The following ZSCAN30 variants were observed in gnomAD, a reference collection of about 807,000 sequenced individuals.
ZSCAN30 encodes the protein zinc finger and SCAN domain-containing protein 30.
Under a neutral mutation model 44.3 loss-of-function variants are expected in ZSCAN30, and 37 were observed. The observed-to-expected ratio is 0.84, with a 90% CI of 0.64 to 1.10. The LOEUF is 1.10. Ranked by LOEUF, ZSCAN30 falls within the 50% of genes least tolerant of loss-of-function variation. The pLI, the probability that ZSCAN30 is intolerant of heterozygous loss-of-function variation, is 0.00. For missense variants in ZSCAN30, 549 were observed against 582.6 expected (o/e 0.94, Z 0.59); for synonymous variants, 181 against 204.6 (o/e 0.88, Z 0.98).
At chr18:35,264,566 C>G (rs1331830865) in intron 1 of ZSCAN30, 111 bp from the exon 2 acceptor site, 1 of 527,676 alleles carries the variant, frequency 1.9e-6, no homozygotes, top group African/African-American at 1.9e-5. Flanking sequence ...AGAAAACTGA[C>G]TAACAGGGCA....
rs1409134341 is a variant in ZSCAN30, at chr18:35,254,313, C to T, written c.622G>A (p.Ala208Thr). ...GGAAGTTTTCCCGGCGATATCATAG[C>T]TGCTGAGGCTACACATTCAACAATT... The part of the protein sequence containing the change: ...QEIVECVASA[A>T]MISPGKLPGE... The change falls in exon 4 of 4, where the codon GCT (alanine) becomes ACT (threonine). Residue 208 changes from alanine to threonine, a missense_variant. Physicochemically the swap from Ala to Thr is moderately conservative, Grantham distance 58 (BLOSUM62 0). Coordinates refer to ENST00000333206, the MANE Select transcript of ZSCAN30 (RefSeq NM_001112734.4). The T allele has an allele frequency of 1.9e-6, 3 of 1,614,112 alleles. No individual in the cohort carries two copies. Among genetic ancestry groups the T allele is most frequent in the Admixed American group, 1.7e-5 (1 of 60,012 alleles).
chr18:35,260,985 G>T (rs1033683623), intron 3 of ZSCAN30: 3 of 152,096 alleles, frequency 2.0e-5, no homozygotes, highest in African/African-American at 7.2e-5. Flanking sequence ...ATAGTTTTGG[G>T]TTTTACATTT....
At chr18:35,269,837 G>C (rs2044234611) in intron 1 of ZSCAN30, 1 of 144,512 alleles carries the variant, frequency 6.9e-6, no homozygotes, top group Non-Finnish European at 1.5e-5. Context: ...AAAATAATGA[G>C]TGGCCAAAAA....
intron 1 of ZSCAN30, chr18:35,269,489 C>T (rs1047064094): frequency 2.6e-4 from 38 of 146,870 alleles, no homozygotes; most frequent in Admixed American, 2.6e-3. Context: ...AAAAAGCTTG[C>T]AATAGAAAGA....
intron 1 of ZSCAN30, among the ~76,000 whole-genome samples, chr18:35,271,093 G>C (rs908052241): frequency 1.3e-5 from 2 of 152,164 alleles, no homozygotes; most frequent in African/African-American, 4.8e-5. Context: ...AGGCAGTGCA[G>C]ACCCAAAGAG....
chr18:35,258,284 A>C, intron 3 of ZSCAN30: 1 of 374,198 alleles, frequency 2.7e-6, no homozygotes, highest in South Asian at 3.1e-5. Flanking sequence ...AATTTTGCTA[A>C]GTCCAAGGAC....
At position 35,264,393 on chromosome 18, in the gene ZSCAN30, A is replaced by T. The variant is rs780021437; in HGVS notation, c.-41T>A. The T allele has an allele frequency of 1.3e-6, 2 of 1,578,966 alleles. No individual in the cohort carries two copies. Among genetic ancestry groups the T allele is most frequent in the African/African-American group, 2.7e-5 (2 of 73,734 alleles). On this transcript the variant is annotated 5_prime_UTR_variant, in exon 2 of 4. Transcript: ENST00000333206. ...TCTGAAAAGGCTGCCCAGGTGAGGC[A>T]GGGAGGAGATGGAGATTTGCGTCTG... is the stretch of plus-strand genomic sequence containing the variant.
At position 35,278,779 on chromosome 18, in the gene ZSCAN30, G is replaced by A. The variant is rs1222920394; in HGVS notation, c.-104+11305C>T. Among the ~76,000 whole-genome samples, 5 of 152,158 alleles carry A rather than the reference G, an allele frequency of 3.3e-5. No individual in the cohort carries two copies. In the East Asian group the frequency reaches 9.6e-4, roughly 29 times the overall value. On this transcript the variant is annotated intron_variant, in intron 1 of 3. Transcript: ENST00000333206. Reference sequence around the variant, plus strand: ...GAAATATCCTCAGCTAAATACTCAGGTTCATTAGTTACAAGTTCTACTTTC... The same window carrying A: ...GAAATATCCTCAGCTAAATACTCAGATTCATTAGTTACAAGTTCTACTTTC...
At chr18:35,267,775 AT>A (rs1306480672) in intron 1 of ZSCAN30, 1 of 151,692 alleles carries the variant, frequency 6.6e-6, no homozygotes, top group Non-Finnish European at 1.5e-5. Context: ...ATTCAAACAT[AT>A]TTTTCCTCGT....
chr18:35,256,704 G>A (rs962189069), intron 3 of ZSCAN30, among the ~76,000 whole-genome samples: 1 of 152,162 alleles, frequency 6.6e-6, no homozygotes, highest in Non-Finnish European at 1.5e-5. Context: ...ATTTATAAGA[G>A]GCTCTTTGGA....
Position 35,280,215 on chromosome 18 carries a change from G to GCAGTGAGCCT in ZSCAN30, c.-104+9868_-104+9869insAGGCTCACTG, listed in dbSNP as rs565868996. ...CACTTAAGCCCAGGAGGTTGAGGCT[G>GCAGTGAGCCT]CAGTGAGCTGTGATCACACCACTGC... is the stretch of plus-strand genomic sequence containing the variant. On this transcript the variant is annotated intron_variant, in intron 1 of 3. Transcript: ENST00000333206. Among the ~76,000 whole-genome samples, 8 of 151,550 alleles carry GCAGTGAGCCT rather than the reference G, an allele frequency of 5.3e-5. No individual in the cohort carries two copies. In the South Asian group the frequency reaches 1.7e-3, roughly 32 times the overall value.
chr18:35,277,414 GTCCCATAA>G (rs1453107284), intron 1 of ZSCAN30, among the ~76,000 whole-genome samples: 1 of 152,104 alleles, frequency 6.6e-6, no homozygotes, highest in African/African-American at 2.4e-5. Context: ...TGAATTGTAG[GTCCCATAA>G]TCCCCATGTG....
intron 1 of ZSCAN30, among the ~76,000 whole-genome samples, chr18:35,274,871 A>T (rs780164885): frequency 2.2e-4 from 33 of 152,222 alleles, no homozygotes; most frequent in Admixed American, 1.4e-3. Context: ...GAGTTCTGTG[A>T]CTTTAATTTT....
chr18:35,257,857 G>A, intron 3 of ZSCAN30: 1 of 780,778 alleles, frequency 1.3e-6, no homozygotes, highest in South Asian at 1.3e-5. Context: ...ACCAAGCCTA[G>A]ACTGTAACTG....
chr18:35,261,593 G>A (rs1029340868), intron 3 of ZSCAN30: 5 of 151,940 alleles, frequency 3.3e-5, no homozygotes, highest in Non-Finnish European at 7.4e-5. Context: ...GTATTCCTAG[G>A]TATTTTATTC....
intron 1 of ZSCAN30, among the ~76,000 whole-genome samples, chr18:35,279,862 C>A (rs143999299): frequency 7.6e-4 from 116 of 152,302 alleles, no homozygotes; most frequent in Admixed American, 6.5e-4. Context: ...TCAGCCTACA[C>A]AGACCCTATT....
intron 1 of ZSCAN30, among the ~76,000 whole-genome samples, chr18:35,276,214 A>C (rs779650222): frequency 1.3e-5 from 2 of 151,994 alleles, no homozygotes; most frequent in Non-Finnish European, 2.9e-5. Context: ...GAGTTTGTGA[A>C]GAACTGGTAT....
At chr18:35,270,221 GAAAT>G (rs1405920551) in intron 1 of ZSCAN30, 1 of 150,920 alleles carries the variant, frequency 6.6e-6, no homozygotes, top group African/African-American at 2.4e-5. Flanking sequence ...TTAATAAAAA[GAAAT>G]GAATGCGAAA....
intron 1 of ZSCAN30, among the ~76,000 whole-genome samples, chr18:35,272,827 T>C (rs747812304): frequency 6.6e-6 from 1 of 151,702 alleles, no homozygotes; most frequent in Non-Finnish European, 1.5e-5. Context: ...GCTGGGGAGG[T>C]CTCACAAACA....
Sources: allele counts gnomAD v4.1 joint callset (sites outside exome capture counted in the v4.1 genomes callset), GRCh38; gene constraint gnomAD v4.1.1; transcripts MANE v1.5; gene names NCBI Gene and HGNC (gene_info 2026-07-23, HGNC 2026-07-21).